LPGAT1: variants seen among roughly 807,000 people sequenced by gnomAD.
LPGAT1 encodes the protein lysophosphatidylglycerol acyltransferase 1.
In LPGAT1, 11 loss-of-function variants were observed where a neutral mutation model predicts 47.5. That is an observed-to-expected ratio of 0.23 (90% CI 0.15 to 0.38). LPGAT1 has a LOEUF of 0.38. Among genes scored for constraint, LPGAT1 ranks in the 10% least tolerant of loss-of-function variants. The probability of loss-of-function intolerance (pLI) is 1.00; values close to 1 mark genes in which losing one functional copy is unlikely to be tolerated. For missense variants in LPGAT1, 293 were observed against 439.0 expected, an observed-to-expected ratio of 0.67 and a Z score of 2.97; for synonymous variants, 138 against 144.2, an observed-to-expected ratio of 0.96 and a Z score of 0.31.
At chr1:211,772,696 G>C (rs1242971791) in intron 6 of LPGAT1, among the ~76,000 whole-genome samples, 1 of 152,182 alleles carries the variant, frequency 6.6e-6, no homozygotes. Flanking sequence ...TAACGTAGAG[G>C]AAATAACATT....
rs537754382 is a variant in LPGAT1, at chr1:211,751,112, A to G, written c.855-45T>C. Reference sequence around the variant, plus strand: ...AAGAACAAAAACTATTTAGTTCAGAAGTCAAAATCATTCAGAACCACAACT... The same window carrying G: ...AAGAACAAAAACTATTTAGTTCAGAGGTCAAAATCATTCAGAACCACAACT... On this transcript the variant is annotated intron_variant, in intron 6 of 7. Transcript: ENST00000366997. The G allele has an allele frequency of 3.6e-4, 454 of 1,248,088 alleles. 5 individuals carry two copies. In the South Asian group the frequency reaches 5.8e-3, roughly 16 times the overall value. 77.3% of individuals were successfully genotyped at this position (1,248,088 alleles called of 1,614,324 possible). A position where few individuals can be genotyped will look rare whatever the true frequency, so the allele number is the denominator to read the frequency against.
At chr1:211,820,539 CAA>C (rs11371645) in intron 2 of LPGAT1, among the ~76,000 whole-genome samples, 2 of 124,522 alleles carry the variant, frequency 1.6e-5, no homozygotes, top group Non-Finnish European at 1.6e-5. Context: ...TAGAACTAAA[CAA>C]AAAAAAAAAA....
At chr1:211,816,255 G>A (rs189361572) in intron 2 of LPGAT1, among the ~76,000 whole-genome samples, 3 of 151,980 alleles carry the variant, frequency 2.0e-5, no homozygotes, top group Non-Finnish European at 2.9e-5. Context: ...ATGTGATTCC[G>A]TGGTTATGAT....
intron 6 of LPGAT1, among the ~76,000 whole-genome samples, chr1:211,760,027 G>A (rs1307383017): frequency 6.6e-6 from 1 of 152,206 alleles, no homozygotes; most frequent in East Asian, 1.9e-4. Context: ...CTTACTGAAA[G>A]ATTTTTAAAT....
intron 2 of LPGAT1, among the ~76,000 whole-genome samples, chr1:211,816,126 C>T (rs1463572049): frequency 1.3e-5 from 2 of 152,026 alleles, no homozygotes; most frequent in African/African-American, 4.8e-5. Context: ...TTCACCTGGC[C>T]AACTCCTACT....
intron 6 of LPGAT1, among the ~76,000 whole-genome samples, chr1:211,759,696 T>G (rs955995437): frequency 7.2e-5 from 11 of 152,218 alleles, no homozygotes; most frequent in African/African-American, 2.7e-4. Context: ...TCTCACAACT[T>G]TTGATAGATA....
In LPGAT1 at chr1:211,759,249, A is replaced by G. The variant is rs758851833; in HGVS notation, c.855-8182T>C. Among the ~76,000 whole-genome samples the G allele has an allele frequency of 5.3e-5, 8 of 152,082 alleles. No individual in the cohort carries two copies. The South Asian group carries it at 1.7e-3, about 32-fold the overall frequency. ...CTATGCTCTGGAAGAGTTGTGTTTA[A>G]TGTCCTTTTACTATTTTGTTTTGGT... On this transcript the variant is annotated intron_variant, in intron 6 of 7. Coordinates refer to ENST00000366997, the MANE Select transcript of LPGAT1 (RefSeq NM_014873.3).
At position 211,749,948 on chromosome 1, in the gene LPGAT1, C is replaced by A. The variant is rs141885700; in HGVS notation, c.1064G>T (p.Gly355Val). 2.5e-6 allele frequency: 4 copies of A among 1,613,906 alleles called. No homozygotes were observed. The African/African-American group carries it at 5.3e-5, about 22-fold the overall frequency. The change falls in exon 8 of 8, where the codon GGC becomes GTC. Residue 355 changes from glycine (G) to valine (V), a missense_variant. Coordinates refer to ENST00000366997, the MANE Select transcript of LPGAT1 (RefSeq NM_014873.3). Reference protein sequence around the residue: ...FLIQSFAFLSGYMWYNIIQYF... With the variant: ...FLIQSFAFLSVYMWYNIIQYF... Reference sequence around the variant, plus strand: ...CTGAATGATGTTGTACCACATATAGCCTGACAAAAATGCAAAAGACTGTAT... The same window carrying A: ...CTGAATGATGTTGTACCACATATAGACTGACAAAAATGCAAAAGACTGTAT...
chr1:211,830,326 G>C lies in LPGAT1; in HGVS notation c.-28+247C>G. On this transcript the variant is annotated intron_variant, in intron 1 of 7. Coordinates refer to ENST00000366997, the MANE Select transcript of LPGAT1 (RefSeq NM_014873.3). This position sits in a 1 kb window ranked among gnomAD's most constrained non-coding sequence, Gnocchi z 5.9. ...GCGCTGGCGCCCTACTCCCCTCGCG[G>C]CTGCCTGCGGACAGAGGGACGGCGG... The C allele has an allele frequency of 2.7e-6, 3 of 1,119,318 alleles. No homozygotes were observed. The highest frequency in any genetic ancestry group is 3.3e-6 in the Non-Finnish European group (3 of 915,820). 69.3% of individuals were successfully genotyped at this position (1,119,318 alleles called of 1,614,324 possible). A position where few individuals can be genotyped will look rare whatever the true frequency, so the allele number is the denominator to read the frequency against.
At chr1:211,824,659 G>A (rs990849166) in intron 2 of LPGAT1, among the ~76,000 whole-genome samples, 1 of 152,150 alleles carries the variant, frequency 6.6e-6, no homozygotes, top group Non-Finnish European at 1.5e-5. Context: ...AATACATTCT[G>A]AAGCACCACT....
At chr1:211,756,726 A>C (rs1657471275) in intron 6 of LPGAT1, among the ~76,000 whole-genome samples, 1 of 152,194 alleles carries the variant, frequency 6.6e-6, no homozygotes, top group Non-Finnish European at 1.5e-5. Context: ...TTTACTCCTA[A>C]GTAATTTAAA....
intron 4 of LPGAT1, among the ~76,000 whole-genome samples, chr1:211,784,472 T>C (rs917607610): frequency 2.0e-4 from 27 of 135,814 alleles, no homozygotes; most frequent in South Asian, 1.2e-3. Context: ...GCCTGGGTGA[T>C]AGAGTGAGAC....
At chr1:211,827,083 T>C (rs1378622995) in intron 2 of LPGAT1, among the ~76,000 whole-genome samples, 1 of 152,240 alleles carries the variant, frequency 6.6e-6, no homozygotes, top group African/African-American at 2.4e-5. Context: ...TATTTTCTTT[T>C]ATGATCAGAC....
chr1:211,829,053 T>C lies in LPGAT1; in HGVS notation c.238+6A>G. On this transcript the variant is annotated splice_donor_region_variant and intron_variant, in intron 2 of 7. Transcript: ENST00000366997. ...ATGCATTAAAGAAAAGTGTTCTCAC[T>C]CTTACCTGTATATCCAGCATACCAT... 5 of 1,613,898 alleles carry C rather than the reference T, an allele frequency of 3.1e-6. No individual in the cohort carries two copies. The highest frequency in any genetic ancestry group is 4.2e-6 in the Non-Finnish European group (5 of 1,179,866).
chr1:211,805,341 C>G (rs1156467927), intron 2 of LPGAT1, among the ~76,000 whole-genome samples: 1 of 152,106 alleles, frequency 6.6e-6, no homozygotes, highest in East Asian at 1.9e-4. Context: ...CATTTTAACA[C>G]AAAGCCTATT....
chr1:211,819,984 CAAA>C (rs879614623), intron 2 of LPGAT1, among the ~76,000 whole-genome samples: 1 of 141,350 alleles, frequency 7.1e-6, no homozygotes. Flanking sequence ...GACTCCGTCT[CAAA>C]AAAAAAAAGG....
At chr1:211,787,535 C>A (rs1366646405) in intron 4 of LPGAT1, 97 bp downstream of exon 4, 1 of 612,636 alleles carries the variant, frequency 1.6e-6, no homozygotes, top group Non-Finnish European at 2.8e-6. Flanking sequence ...TTAGAAGCAG[C>A]CCTACCTATT....
chr1:211,752,353 A>T (rs1044050008), intron 6 of LPGAT1, among the ~76,000 whole-genome samples: 37 of 152,072 alleles, frequency 2.4e-4, no homozygotes, highest in Non-Finnish European at 4.4e-5. Context: ...AAAATTTAAA[A>T]GCTATTGGAA....
At chr1:211,799,860 C>T (rs1009835243) in intron 2 of LPGAT1, among the ~76,000 whole-genome samples, 1 of 152,138 alleles carries the variant, frequency 6.6e-6, no homozygotes, top group Non-Finnish European at 1.5e-5. Context: ...TAGTCTTCCC[C>T]ATCTTAGCAA....
Sources: allele counts gnomAD v4.1 joint callset (sites outside exome capture counted in the v4.1 genomes callset), GRCh38; gene constraint gnomAD v4.1.1; non-coding constraint Gnocchi (gnomAD v3.1); transcripts MANE v1.5; gene names NCBI Gene and HGNC (gene_info 2026-07-23, HGNC 2026-07-21).